Variants in SLC14A2 observed in about 807,000 individuals in gnomAD.
The protein encoded by SLC14A2 is urea transporter 2.
Under a neutral mutation model 104.6 loss-of-function variants are expected in SLC14A2, and 91 were observed. The ratio of observed to expected loss-of-function variants is 0.87; its 90% confidence interval spans 0.73 to 1.04. SLC14A2 has a LOEUF of 1.04. Among genes scored for constraint, SLC14A2 ranks in the 50% least tolerant of loss-of-function variants. The pLI is 0.00. For synonymous variants in SLC14A2, 476 were observed against 466.4 expected, an observed-to-expected ratio of 1.02 and a Z score of -0.27; for missense variants, 1,189 against 1,156.0, an observed-to-expected ratio of 1.03 and a Z score of -0.41.
intron 1 of SLC14A2, among the ~76,000 whole-genome samples, chr18:45,246,681 T>C (rs984999123): frequency 6.6e-6 from 1 of 152,050 alleles, no homozygotes; most frequent in Non-Finnish European, 1.5e-5. Flanking sequence ...CAAACAATTC[T>C]CTTGCCTCAG....
At chr18:45,186,604 A>AT in the SLC14A2 span, among the ~76,000 whole-genome samples, 2 of 152,146 alleles carry the variant, frequency 1.3e-5, no homozygotes, top group South Asian at 2.1e-4. Context: ...AATGTCAAGG[A>AT]TTTTTTTGGA....
intron 18 of SLC14A2, among the ~76,000 whole-genome samples, chr18:45,674,743 T>C (rs941151337): frequency 2.6e-4 from 39 of 152,190 alleles, no homozygotes; most frequent in African/African-American, 9.2e-4. Flanking sequence ...TTACTATTCG[T>C]ATTTTGCAAA....
chr18:45,343,382 G>C (rs1347405642), intron 1 of SLC14A2, among the ~76,000 whole-genome samples: 1 of 151,950 alleles, frequency 6.6e-6, no homozygotes, highest in African/African-American at 2.4e-5. Context: ...GGTGCTGCAT[G>C]ATGGTCCCCT....
intron 1 of SLC14A2, among the ~76,000 whole-genome samples, chr18:45,310,070 A>G (rs947011171): frequency 1.1e-4 from 16 of 152,002 alleles, no homozygotes; most frequent in African/African-American, 3.9e-4. Context: ...GGCCTATGTT[A>G]TTCCTGTCAA....
At chr18:45,323,709 G>A (rs76207215) in intron 1 of SLC14A2, among the ~76,000 whole-genome samples, 3 of 152,296 alleles carry the variant, frequency 2.0e-5, no homozygotes, top group African/African-American at 4.8e-5. Context: ...CAGCATCCTA[G>A]CACTTCCTGT....
chr18:45,672,881 A>G lies in SLC14A2; in HGVS notation c.2230-19A>G, dbSNP rs776044469. 5 of 1,608,404 alleles carry G rather than the reference A, an allele frequency of 3.1e-6. No individual in the cohort carries two copies. The Admixed American group carries it at 8.5e-5, about 27-fold the overall frequency. On this transcript the variant is annotated intron_variant, in intron 16 of 19. Coordinates refer to ENST00000255226, the MANE Select transcript of SLC14A2 (RefSeq NM_007163.4). ...TCTTTTGCCTCCATAATGAGCATGT[A>G]ATCCTGTTATGCCTACAGCTTTTGA...
At chr18:45,670,639 A>G (rs1031493660) in intron 16 of SLC14A2, among the ~76,000 whole-genome samples, 5 of 152,184 alleles carry the variant, frequency 3.3e-5, no homozygotes, top group African/African-American at 1.2e-4. Flanking sequence ...AGTATTTAGC[A>G]AGAAAACTAT....
chr18:45,453,883 A>C (rs2086897730), intron 1 of SLC14A2, among the ~76,000 whole-genome samples: 1 of 115,558 alleles, frequency 8.7e-6, no homozygotes. Flanking sequence ...TTTTTGAGAC[A>C]GAGTCTCACT....
intron 1 of SLC14A2, among the ~76,000 whole-genome samples, chr18:45,466,010 G>T (rs1364898711): frequency 6.6e-6 from 1 of 152,146 alleles, no homozygotes; most frequent in African/African-American, 2.4e-5. Flanking sequence ...CTGGGCATTG[G>T]GTTAAACTAT....
intron 10 of SLC14A2, among the ~76,000 whole-genome samples, chr18:45,649,879 T>G (rs960156507): frequency 2.0e-5 from 3 of 152,278 alleles, no homozygotes; most frequent in East Asian, 3.8e-4. Flanking sequence ...CAGTTAGTTG[T>G]CCTTTCTGTC....
At chr18:45,589,231 A>G (rs907145754) in intron 2 of SLC14A2, among the ~76,000 whole-genome samples, 2 of 149,904 alleles carry the variant, frequency 1.3e-5, no homozygotes, top group Admixed American at 6.7e-5. Flanking sequence ...TAGGGGATTT[A>G]CTGCACAGAA....
At chr18:45,407,631 T>C (rs2144479801) in intron 1 of SLC14A2, among the ~76,000 whole-genome samples, 1 of 152,306 alleles carries the variant, frequency 6.6e-6, no homozygotes, top group East Asian at 1.9e-4. Flanking sequence ...TAATCATGTC[T>C]AGCTGTTTAT....
intron 2 of SLC14A2, among the ~76,000 whole-genome samples, chr18:45,524,214 T>A (rs547707196): frequency 6.6e-6 from 1 of 152,260 alleles, no homozygotes; most frequent in South Asian, 2.1e-4. Context: ...GAGACTTGAC[T>A]GTTTACAGAC....
At chr18:45,464,783 G>T (rs897690046) in intron 1 of SLC14A2, among the ~76,000 whole-genome samples, 1 of 152,164 alleles carries the variant, frequency 6.6e-6, no homozygotes, top group Non-Finnish European at 1.5e-5. Context: ...CCTCCAAGGG[G>T]GCTGGTGTGG....
chr18:45,353,970 G>A (rs942726821), intron 1 of SLC14A2, among the ~76,000 whole-genome samples: 6 of 152,152 alleles, frequency 3.9e-5, no homozygotes, highest in Non-Finnish European at 8.8e-5. Context: ...AGAAAGGCAC[G>A]ATGGTGGAGA....
chr18:45,434,298 C>A (rs546867530), intron 1 of SLC14A2, among the ~76,000 whole-genome samples: 80 of 152,266 alleles, frequency 5.3e-4, no homozygotes, highest in Admixed American at 2.1e-3. Context: ...GTCCCACTTA[C>A]AAATGGAGGT....
At chr18:45,263,314 T>C (rs751510584) in intron 1 of SLC14A2, among the ~76,000 whole-genome samples, 1 of 152,208 alleles carries the variant, frequency 6.6e-6, no homozygotes, top group African/African-American at 2.4e-5. Context: ...AAGTGATGTG[T>C]TCTTCTCAGC....
chr18:45,383,224 T>A (rs983169064), intron 1 of SLC14A2, among the ~76,000 whole-genome samples: 2 of 152,208 alleles, frequency 1.3e-5, no homozygotes, highest in African/African-American at 4.8e-5. Context: ...TACAGTGCTT[T>A]TCCCATAATC....
chr18:45,173,549 G>T, the SLC14A2 span, among the ~76,000 whole-genome samples: 1 of 151,934 alleles, frequency 6.6e-6, no homozygotes, highest in Admixed American at 6.6e-5. Flanking sequence ...AAAATAACCC[G>T]AGAGAAGTCA....
Sources: gnomAD v4.1 joint callset for allele counts (sites outside exome capture counted in the v4.1 genomes callset) on GRCh38, gnomAD v4.1.1 for gene constraint, MANE v1.5 for transcripts, NCBI Gene and HGNC (gene_info 2026-07-23, HGNC 2026-07-21) for gene names.